The following TTL variants were observed in gnomAD, a reference collection of about 807,000 sequenced individuals.
TTL encodes the protein tubulin tyrosine ligase, also known as tubulin--tyrosine ligase.
TTL carries 10 observed loss-of-function variants against 41.1 expected under a neutral mutation model. The ratio of observed to expected loss-of-function variants is 0.24; its 90% confidence interval spans 0.15 to 0.41. TTL has a LOEUF of 0.41. Among genes scored for constraint, TTL ranks in the 10% least tolerant of loss-of-function variants. The pLI, the probability that TTL is intolerant of heterozygous loss-of-function variation, is 1.00. For synonymous variants in TTL, 175 were observed against 175.5 expected (o/e 1.00, Z 0.02); for missense variants, 367 against 460.4 (o/e 0.80, Z 1.86).
At chr2:112,514,803 C>T (rs1192643624) in intron 5 of TTL, among the ~76,000 whole-genome samples, 1 of 152,090 alleles carries the variant, frequency 6.6e-6, no homozygotes, top group Non-Finnish European at 1.5e-5. Flanking sequence ...GTCTTTTGAT[C>T]CATTCTCCTC....
chr2:112,495,138 G>A (rs1489985359), intron 3 of TTL, among the ~76,000 whole-genome samples: 4 of 152,202 alleles, frequency 2.6e-5, no homozygotes, highest in Non-Finnish European at 2.9e-5. Flanking sequence ...AGTATCTCTC[G>A]AATATTCCAA....
chr2:112,515,330 T>C (rs1244002399), intron 5 of TTL, among the ~76,000 whole-genome samples: 8 of 152,234 alleles, frequency 5.3e-5, no homozygotes, highest in Non-Finnish European at 1.2e-4. Context: ...AGGTGGTACA[T>C]ATCCTGTAAA....
Position 112,488,613 on chromosome 2 carries a change from C to G in TTL, c.236+2618C>G, listed in dbSNP as rs186980210. Among the ~76,000 whole-genome samples the G allele has an allele frequency of 2.6e-4, 40 of 152,098 alleles. 1 individual carries two copies. The highest frequency in any genetic ancestry group is 1.5e-5 in the Non-Finnish European group (1 of 68,020). ...TGTCTACTAAAAATACAAAAATTAG[C>G]TGGGTATGGTGGTGGGTACCTGTAA... is the stretch of plus-strand genomic sequence containing the variant. On this transcript the variant is annotated intron_variant, in intron 2 of 6. Coordinates refer to ENST00000233336, the MANE Select transcript of TTL (RefSeq NM_153712.5).
rs551073747 is a variant in TTL, at chr2:112,538,336, A to C, written c.*9541A>C. 1 of 152,362 alleles carries C rather than the reference A, an allele frequency of 6.6e-6. No homozygotes were observed. The highest frequency in any genetic ancestry group is 2.1e-4 in the South Asian group (1 of 4,826). 9.4% of individuals were successfully genotyped at this position (152,362 alleles called of 1,614,324 possible). ...TCACAAGAAAAGCAAATAGCAGACC[A>C]ATAATCTCTTGGGAATACAAACGGA... On this transcript the variant is annotated 3_prime_UTR_variant, in exon 7 of 7. Transcript: ENST00000233336.
chr2:112,503,235 C>G, intron 5 of TTL, 54 bp downstream of exon 5: 2 of 1,426,610 alleles, frequency 1.4e-6, no homozygotes, highest in Non-Finnish European at 9.4e-7. Context: ...GGAGCTTTGG[C>G]GTCTATGCCT....
intron 6 of TTL, 66 bp from the exon 7 acceptor site, chr2:112,528,615 A>G: frequency 7.2e-7 from 1 of 1,397,206 alleles, no homozygotes; most frequent in South Asian, 1.2e-5. Context: ...AAAACAAAAA[A>G]CATCTATTTT....
Position 112,501,371 on chromosome 2 carries a change from T to C in TTL, c.605+30T>C, listed in dbSNP as rs372561557. 468 of 1,531,668 alleles carry C rather than the reference T, an allele frequency of 3.1e-4. 1 individual carries two copies. The African/African-American group carries it at 5.8e-3, about 19-fold the overall frequency. The allele number at this position is 1,531,668 out of a possible 1,614,324, so 94.9% of individuals were successfully genotyped here. Reference sequence around the variant, plus strand: ...TGCATTCATGTCCATAGCTTTTGTTTTTATTCATCTGAAAAAACTGCCATG... The same window carrying C: ...TGCATTCATGTCCATAGCTTTTGTTCTTATTCATCTGAAAAAACTGCCATG... On this transcript the variant is annotated intron_variant, in intron 4 of 6. Transcript: ENST00000233336.
intron 5 of TTL, among the ~76,000 whole-genome samples, chr2:112,513,635 G>GTATAAATATTTATACAAGTATA (rs1559017335): frequency 1.7e-4 from 26 of 148,800 alleles, no homozygotes; most frequent in South Asian, 1.3e-3. Flanking sequence ...ATACAAGTAT[G>GTATAAATATTTATACAAGTATA]AATATTTATA....
intron 5 of TTL, among the ~76,000 whole-genome samples, chr2:112,519,852 C>T (rs543564005): frequency 3.3e-4 from 50 of 152,130 alleles, no homozygotes; most frequent in Non-Finnish European, 3.5e-4. Flanking sequence ...AGAATTAGGC[C>T]GGGCACGATG....
chr2:112,529,614 T>C lies in TTL; in HGVS notation c.*819T>C, dbSNP rs1682456529. On this transcript the variant is annotated 3_prime_UTR_variant, in exon 7 of 7. Coordinates refer to ENST00000233336, the MANE Select transcript of TTL (RefSeq NM_153712.5). ...CTAAATGCAGTTTTGCCTAGTTCCC[T>C]TTTTTTTTCTTTTTTTACTTTTTTT... 1 of 222,568 alleles carries C rather than the reference T, an allele frequency of 4.5e-6. No homozygotes were observed. The highest frequency in any genetic ancestry group is 8.9e-6 in the Non-Finnish European group (1 of 112,248). The allele number at this position is 222,568 out of a possible 1,614,324, so 13.8% of individuals were successfully genotyped here. A position where few individuals can be genotyped will look rare whatever the true frequency, so the allele number is the denominator to read the frequency against.
In TTL at chr2:112,494,188, C is replaced by G. The variant is rs2104452137; in HGVS notation, c.282C>G (p.Phe94Leu). Reference sequence around the variant, plus strand: ...AACTGGCTGAGTCCTGCACATGGTTCCCTGAATCTTATGTGATTTATCCAA... The same window carrying G: ...AACTGGCTGAGTCCTGCACATGGTTGCCTGAATCTTATGTGATTTATCCAA... ...SPELAESCTW[F>L]PESYVIYPTN... Residue 94 changes from phenylalanine (F) to leucine (L), a missense_variant, in exon 3 of 7, where the codon TTC (phenylalanine) becomes TTG (leucine). Coordinates refer to ENST00000233336, the MANE Select transcript of TTL (RefSeq NM_153712.5). The G allele has an allele frequency of 1.2e-6, 2 of 1,614,132 alleles. No individual in the cohort carries two copies. Among genetic ancestry groups the G allele is most frequent in the Non-Finnish European group, 1.7e-6 (2 of 1,180,034 alleles).
At chr2:112,494,942 T>C (rs534370976) in intron 3 of TTL, among the ~76,000 whole-genome samples, 1 of 152,330 alleles carries the variant, frequency 6.6e-6, no homozygotes, top group South Asian at 2.1e-4. Flanking sequence ...ACAATAATGT[T>C]TTCAAAACGT....
chr2:112,536,049 T>C lies in TTL; in HGVS notation c.*7254T>C, dbSNP rs965763271. 6.6e-6 allele frequency: 1 copy of C among 152,186 alleles called. No homozygotes were observed. The highest frequency in any genetic ancestry group is 1.5e-5 in the Non-Finnish European group (1 of 68,042). 9.4% of individuals were successfully genotyped at this position (152,186 alleles called of 1,614,324 possible). A position where few individuals can be genotyped will look rare whatever the true frequency, so the allele number is the denominator to read the frequency against. ...GCTAATTTCACTTCACATAACGATC[T>C]TCAGTTCCATCCATGTTGTTGGAAG... On this transcript the variant is annotated 3_prime_UTR_variant, in exon 7 of 7. Transcript: ENST00000233336.
At chr2:112,485,109 C>A (rs1009462829) in intron 1 of TTL, among the ~76,000 whole-genome samples, 16 of 152,000 alleles carry the variant, frequency 1.1e-4, no homozygotes, top group Non-Finnish European at 2.1e-4. Context: ...GCCACCACGC[C>A]CAGCTAGTTT....
chr2:112,482,646 A>G lies in TTL; in HGVS notation c.157+145A>G. On this transcript the variant is annotated intron_variant, in intron 1 of 6. Coordinates refer to ENST00000233336, the MANE Select transcript of TTL (RefSeq NM_153712.5). The surrounding 1 kb of genome is among the most constrained non-coding windows in gnomAD (Gnocchi z 5.3). ...CGGGCACATCAGAAACGGATTCGGA[A>G]AGATCGAAACCTGTCGTTTTTAATG... 1 of 955,786 alleles carries G rather than the reference A, an allele frequency of 1.0e-6. No individual in the cohort carries two copies. Among genetic ancestry groups the G allele is most frequent in the Non-Finnish European group, 1.5e-6 (1 of 676,892 alleles). The allele number at this position is 955,786 out of a possible 1,614,324, so 59.2% of individuals were successfully genotyped here.
chr2:112,522,720 C>A (rs558357473), intron 6 of TTL, among the ~76,000 whole-genome samples: 54 of 152,260 alleles, frequency 3.5e-4, no homozygotes, highest in African/African-American at 1.3e-3. Flanking sequence ...ACCCCCTGCT[C>A]CCCCCAGAGA....
intron 2 of TTL, 105 bp from the exon 3 acceptor site, chr2:112,494,038 A>G (rs1442561423): frequency 2.5e-6 from 2 of 794,942 alleles, no homozygotes; most frequent in South Asian, 1.8e-5. Flanking sequence ...AGACTGAGTC[A>G]TGCTTTGCCT....
intron 6 of TTL, chr2:112,521,443 G>A (rs1481918409): frequency 2.4e-6 from 2 of 822,082 alleles, no homozygotes; most frequent in Admixed American, 6.2e-5. Context: ...CTTTCATGAT[G>A]TCAAGACCCT....
In TTL at chr2:112,535,082, A is replaced by G. The variant is rs1274467185; in HGVS notation, c.*6287A>G. 6.6e-6 allele frequency: 1 copy of G among 152,062 alleles called. No homozygotes were observed. The highest frequency in any genetic ancestry group is 2.4e-5 in the African/African-American group (1 of 41,378). The allele number at this position is 152,062 out of a possible 1,614,324, so 9.4% of individuals were successfully genotyped here. On this transcript the variant is annotated 3_prime_UTR_variant, in exon 7 of 7. Coordinates refer to ENST00000233336, the MANE Select transcript of TTL (RefSeq NM_153712.5). ...GAAAGAAAAAAGAGAAAGAAGAAAG[A>G]AAAGAAAAAAGGAAAGAAAGTTAGT...
Sources: gnomAD v4.1 joint callset for allele counts (sites outside exome capture counted in the v4.1 genomes callset) on GRCh38, gnomAD v4.1.1 for gene constraint, Gnocchi (gnomAD v3.1) non-coding constraint, MANE v1.5 for transcripts, NCBI Gene and HGNC (gene_info 2026-07-23, HGNC 2026-07-21) for gene names.